Variants in CTNNA2 observed in about 807,000 individuals in gnomAD.
CTNNA2 encodes the protein catenin alpha 2.
CTNNA2 carries 42 observed loss-of-function variants against 101.0 expected under a neutral mutation model. The ratio of observed to expected loss-of-function variants is 0.42; its 90% CI spans 0.32 to 0.54. CTNNA2 has a LOEUF of 0.54. CTNNA2 is among the 20% of genes least tolerant of loss of function. CTNNA2 has a pLI of 0.14. For synonymous variants in CTNNA2, 450 were observed against 456.4 expected (o/e 0.99, Z 0.18); for missense variants, 871 against 1,223.1 (o/e 0.71, Z 4.29).
At chr2:80,551,359 G>C (rs916893511) in intron 11 of CTNNA2, among the ~76,000 whole-genome samples, 4 of 152,192 alleles carry the variant, frequency 2.6e-5, no homozygotes, top group African/African-American at 9.7e-5. Context: ...AAAATCAACT[G>C]TATTAGCCAC....
intron 7 of CTNNA2, among the ~76,000 whole-genome samples, chr2:80,207,812 G>A (rs937416629): frequency 1.3e-5 from 2 of 152,126 alleles, no homozygotes; most frequent in African/African-American, 4.8e-5. Context: ...TGCCCAAGGA[G>A]AGAAAGGAAG....
chr2:79,772,499 C>A (rs1673661804), intron 3 of CTNNA2, among the ~76,000 whole-genome samples: 1 of 152,220 alleles, frequency 6.6e-6, no homozygotes, highest in African/African-American at 2.4e-5. Context: ...GCTCTCCCAT[C>A]TTCAGCATGA....
chr2:79,391,847 G>T (rs1452266514), intron 4 of CTNNA2, among the ~76,000 whole-genome samples: 1 of 152,134 alleles, frequency 6.6e-6, no homozygotes, highest in Non-Finnish European at 1.5e-5. Context: ...CAGTTGTAAA[G>T]GCTGGAAGTC....
At chr2:80,042,723 C>T (rs1696149373) in intron 7 of CTNNA2, among the ~76,000 whole-genome samples, 1 of 152,138 alleles carries the variant, frequency 6.6e-6, no homozygotes, top group African/African-American at 2.4e-5. Context: ...GCAAAGGAAA[C>T]TCATTTGGAG....
chr2:80,371,552 A>C (rs1675443145), intron 7 of CTNNA2, among the ~76,000 whole-genome samples: 1 of 133,884 alleles, frequency 7.5e-6, no homozygotes, highest in Non-Finnish European at 1.5e-5. Context: ...TGAGGAAATC[A>C]GGGATTTTTT....
At chr2:79,910,809 C>G (rs558264159) in intron 7 of CTNNA2, among the ~76,000 whole-genome samples, 1 of 152,226 alleles carries the variant, frequency 6.6e-6, no homozygotes, top group South Asian at 2.1e-4. Context: ...TCTTACCACT[C>G]CCATCATGAG....
chr2:79,853,670 CTT>C (rs10607231), intron 3 of CTNNA2, among the ~76,000 whole-genome samples: 38,820 of 129,874 alleles, frequency 0.3, 5,198 homozygotes, highest in Non-Finnish European at 0.32. Flanking sequence ...TATTATTTTT[CTT>C]TTTTTTTTTT....
intron 7 of CTNNA2, among the ~76,000 whole-genome samples, chr2:80,386,335 A>G (rs968974947): frequency 6.6e-6 from 1 of 152,130 alleles, no homozygotes; most frequent in East Asian, 1.9e-4. Context: ...TTCTAAAGAG[A>G]TACTGCCTGT....
intron 18 of CTNNA2, 108 bp from the exon 19 acceptor site, chr2:80,647,477 A>G (rs1156596893): frequency 1.0e-6 from 1 of 1,004,912 alleles, no homozygotes; most frequent in Non-Finnish European, 1.5e-6. Flanking sequence ...CAGCAATACT[A>G]TTTATTTGCA....
chr2:79,279,503 G>A (rs1253381502), intron 2 of CTNNA2, among the ~76,000 whole-genome samples: 1 of 152,060 alleles, frequency 6.6e-6, no homozygotes, highest in African/African-American at 2.4e-5. Flanking sequence ...CTGACACAAA[G>A]GCACAGGATG....
chr2:79,986,723 A>G (rs1280824756), intron 7 of CTNNA2, among the ~76,000 whole-genome samples: 1 of 152,082 alleles, frequency 6.6e-6, no homozygotes, highest in Non-Finnish European at 1.5e-5. Flanking sequence ...GACATTGTTG[A>G]GGAAGGTTGA....
intron 7 of CTNNA2, among the ~76,000 whole-genome samples, chr2:79,997,469 C>CTGCAGGAT (rs1292138095): frequency 6.6e-6 from 1 of 152,042 alleles, no homozygotes; most frequent in Non-Finnish European, 1.5e-5. Flanking sequence ...CAAACAAACC[C>CTGCAGGAT]TGCAGGATTT....
chr2:79,507,508 G>A (rs750926544), intron 5 of CTNNA2, among the ~76,000 whole-genome samples: 15 of 152,028 alleles, frequency 9.9e-5, no homozygotes, highest in African/African-American at 3.6e-4. Context: ...CAGCAAGAAC[G>A]CTCTCACCAT....
intron 15 of CTNNA2, among the ~76,000 whole-genome samples, chr2:80,589,800 G>C (rs1159976706): frequency 6.6e-6 from 1 of 151,250 alleles, no homozygotes; most frequent in African/African-American, 2.4e-5. Flanking sequence ...ATATGCTTAA[G>C]TATTATTCTG....
At chr2:80,336,052 C>T in intron 7 of CTNNA2, among the ~76,000 whole-genome samples, 1 of 152,150 alleles carries the variant, frequency 6.6e-6, no homozygotes, top group East Asian at 1.9e-4. Context: ...ATAGTGCACA[C>T]CCATGTACTC....
intron 4 of CTNNA2, among the ~76,000 whole-genome samples, chr2:79,460,864 C>A (rs1670870475): frequency 6.6e-6 from 1 of 151,852 alleles, no homozygotes; most frequent in South Asian, 2.1e-4. Flanking sequence ...CTTTTCGAGA[C>A]AGGGTCTTGC....
chr2:79,977,390 A>G (rs991253482), intron 7 of CTNNA2, among the ~76,000 whole-genome samples: 23 of 152,114 alleles, frequency 1.5e-4, no homozygotes, highest in African/African-American at 4.8e-4. Context: ...TGCTACTGGC[A>G]TGTATGTGTA....
intron 9 of CTNNA2, among the ~76,000 whole-genome samples, chr2:80,525,640 C>A (rs1011320811): frequency 6.6e-6 from 1 of 152,154 alleles, no homozygotes; most frequent in South Asian, 2.1e-4. Context: ...TCTCTCCTAT[C>A]GTAGCCTGTC....
upstream of CTNNA2, among the ~76,000 whole-genome samples, chr2:79,510,162 A>G (rs1337812723): frequency 6.6e-6 from 1 of 152,208 alleles, no homozygotes; most frequent in Non-Finnish European, 1.5e-5. Flanking sequence ...ACACAATGCC[A>G]TACCTTTAAC....
Sources: gnomAD v4.1 joint callset for allele counts (sites outside exome capture counted in the v4.1 genomes callset) on GRCh38, gnomAD v4.1.1 for gene constraint, MANE v1.5 for transcripts, NCBI Gene and HGNC (gene_info 2026-07-23, HGNC 2026-07-21) for gene names.